The following GLCCI1 variants were observed in gnomAD, a reference collection of about 807,000 sequenced individuals.
GLCCI1 encodes the protein glucocorticoid-induced transcript 1 protein.
Under a neutral mutation model 52.2 loss-of-function variants are expected in GLCCI1, and 24 were observed. The observed-to-expected ratio is 0.46, with a 90% CI of 0.33 to 0.65. The LOEUF is 0.65. Ranked by LOEUF, GLCCI1 falls within the 30% of genes least tolerant of loss-of-function variation. GLCCI1 has a pLI of 0.02. For missense variants in GLCCI1, 704 were observed against 701.5 expected, an observed-to-expected ratio of 1.00 and a Z score of -0.04; for synonymous variants, 310 against 276.5, an observed-to-expected ratio of 1.12 and a Z score of -1.20.
intron 1 of GLCCI1, among the ~76,000 whole-genome samples, chr7:7,985,970 T>G (rs1320337367): frequency 2.0e-5 from 3 of 152,208 alleles, no homozygotes; most frequent in Non-Finnish European, 4.4e-5. Context: ...TTTTTATAGT[T>G]GGTACCTGTG....
At chr7:8,022,419 G>T in intron 2 of GLCCI1, 64 bp from the exon 3 acceptor site, 1 of 906,518 alleles carries the variant, frequency 1.1e-6, no homozygotes, top group Non-Finnish European at 1.5e-6. Context: ...ATATGTTTCA[G>T]TTGCTTGAGA....
intron 5 of GLCCI1, among the ~76,000 whole-genome samples, chr7:8,061,988 C>G (rs1782528528): frequency 6.6e-6 from 1 of 152,060 alleles, no homozygotes; most frequent in Non-Finnish European, 1.5e-5. Flanking sequence ...TTTTTTTATG[C>G]ATTAAGTGAA....
intron 3 of GLCCI1, among the ~76,000 whole-genome samples, chr7:8,041,191 C>G (rs1781991176): frequency 6.6e-6 from 1 of 152,140 alleles, no homozygotes; most frequent in Admixed American, 6.5e-5. Flanking sequence ...TTTGAGTGGA[C>G]TAGATAAAAG....
At chr7:8,037,823 A>G (rs949140433) in intron 3 of GLCCI1, among the ~76,000 whole-genome samples, 1 of 152,210 alleles carries the variant, frequency 6.6e-6, no homozygotes, top group African/African-American at 2.4e-5. Flanking sequence ...AAAGGGATCA[A>G]TTCAACAAGA....
intron 3 of GLCCI1, among the ~76,000 whole-genome samples, chr7:8,028,495 C>T: frequency 6.6e-6 from 1 of 151,846 alleles, no homozygotes; most frequent in South Asian, 2.1e-4. Flanking sequence ...CTGTAAGTGC[C>T]TACATCAAAA....
chr7:8,064,313 C>T lies in GLCCI1; in HGVS notation c.966+4065C>T, dbSNP rs1038517348. ...GAGGAAGGTATCCAGTTTCAGTCTT[C>T]TGCATATAGCTAGCGAATTATCCCA... On this transcript the variant is annotated intron_variant, in intron 5 of 7. Coordinates refer to ENST00000223145, the MANE Select transcript of GLCCI1 (RefSeq NM_138426.4). Among the ~76,000 whole-genome samples the T allele has an allele frequency of 5.9e-5, 9 of 152,162 alleles. No homozygotes were observed. The South Asian group carries it at 6.2e-4, about 11-fold the overall frequency.
At chr7:8,012,479 C>G (rs995180207) in intron 2 of GLCCI1, among the ~76,000 whole-genome samples, 1 of 110,338 alleles carries the variant, frequency 9.1e-6, no homozygotes, top group Non-Finnish European at 1.7e-5. Context: ...GAGTCTTGCT[C>G]TGTCACCCAG....
intron 2 of GLCCI1, among the ~76,000 whole-genome samples, chr7:8,016,170 G>A (rs964071640): frequency 6.6e-6 from 1 of 152,136 alleles, no homozygotes; most frequent in Non-Finnish European, 1.5e-5. Flanking sequence ...GAGACATTAT[G>A]CCTTAACAGT....
chr7:7,980,587 A>AT, intron 1 of GLCCI1: 1 of 644,352 alleles, frequency 1.6e-6, no homozygotes, highest in Non-Finnish European at 2.8e-6. Flanking sequence ...AGGAGAGTCT[A>AT]TTTTTGGCCT....
rs1484180358 is a variant in GLCCI1, at chr7:8,088,849, C to A, written c.*2311C>A. 1 of 152,596 alleles carries A rather than the reference C, an allele frequency of 6.6e-6. No homozygotes were observed. The highest frequency in any genetic ancestry group is 1.5e-5 in the Non-Finnish European group (1 of 68,034). The allele number at this position is 152,596 out of a possible 1,614,324, so 9.5% of individuals were successfully genotyped here. On this transcript the variant is annotated 3_prime_UTR_variant, in exon 8 of 8. Coordinates refer to ENST00000223145, the MANE Select transcript of GLCCI1 (RefSeq NM_138426.4). ...AGCTTACGCTTTGCCATGTAAATTT[C>A]CCAGAAGTTGTTGAGCTCAAATGTA...
Position 8,044,090 on chromosome 7 carries a change from G to A in GLCCI1, c.697-11343G>A, listed in dbSNP as rs1159757973. Among the ~76,000 whole-genome samples the A allele has an allele frequency of 9.2e-5, 14 of 151,776 alleles. 1 individual carries two copies. The highest frequency in any genetic ancestry group is 9.2e-4 in the Admixed American group (14 of 15,230). Reference sequence around the variant, plus strand: ...CTCCCGAGTAGCTGGGACTACAGGCGCCTGCCACCATGCCTGGCTAATTTT... The same window carrying A: ...CTCCCGAGTAGCTGGGACTACAGGCACCTGCCACCATGCCTGGCTAATTTT... On this transcript the variant is annotated intron_variant, in intron 3 of 7. Coordinates refer to ENST00000223145, the MANE Select transcript of GLCCI1 (RefSeq NM_138426.4).
At chr7:8,055,621 C>A in intron 4 of GLCCI1, 72 bp downstream of exon 4, 1 of 893,804 alleles carries the variant, frequency 1.1e-6, no homozygotes, top group African/African-American at 1.7e-5. Flanking sequence ...ATCATTTCAG[C>A]ATTTAAAAAA....
intron 2 of GLCCI1, among the ~76,000 whole-genome samples, chr7:8,021,275 A>G (rs1781478903): frequency 6.6e-6 from 1 of 152,190 alleles, no homozygotes; most frequent in South Asian, 2.1e-4. Context: ...CTTTTTCAGC[A>G]TGTATTGAAA....
chr7:7,972,631 C>T (rs867986445), intron 1 of GLCCI1, among the ~76,000 whole-genome samples: 1 of 152,032 alleles, frequency 6.6e-6, no homozygotes, highest in Non-Finnish European at 1.5e-5. Context: ...TCATTATCTG[C>T]GTCTTAAGCA....
chr7:8,015,950 C>G (rs182295472), intron 2 of GLCCI1, among the ~76,000 whole-genome samples: 1 of 152,160 alleles, frequency 6.6e-6, no homozygotes, highest in Non-Finnish European at 1.5e-5. Flanking sequence ...CTTTCTCATG[C>G]CTTTGCCCCT....
chr7:7,992,518 C>T (rs1447969861), intron 1 of GLCCI1, among the ~76,000 whole-genome samples: 3 of 152,032 alleles, frequency 2.0e-5, no homozygotes, highest in Non-Finnish European at 2.9e-5. Flanking sequence ...AGCCTTTATA[C>T]TTGAAGGTCA....
intron 3 of GLCCI1, among the ~76,000 whole-genome samples, chr7:8,051,505 C>T (rs763758177): frequency 6.6e-6 from 1 of 152,214 alleles, no homozygotes; most frequent in Non-Finnish European, 1.5e-5. Flanking sequence ...TTCTGCTCTT[C>T]AGCTGTTACC....
At chr7:8,055,826 G>GA (rs931025700) in intron 4 of GLCCI1, 3 of 191,248 alleles carry the variant, frequency 1.6e-5, no homozygotes, top group African/African-American at 2.4e-5. Flanking sequence ...TGTCTCTACT[G>GA]AAAAAACACA....
intron 6 of GLCCI1, among the ~76,000 whole-genome samples, chr7:8,081,169 A>G (rs1782986364): frequency 6.6e-6 from 1 of 152,112 alleles, no homozygotes; most frequent in Admixed American, 6.5e-5. Context: ...GCTGTGCTTC[A>G]GGTGCACGTG....
Sources: gnomAD v4.1 joint callset for allele counts (sites outside exome capture counted in the v4.1 genomes callset) on GRCh38, gnomAD v4.1.1 for gene constraint, MANE v1.5 for transcripts, NCBI Gene and HGNC (gene_info 2026-07-23, HGNC 2026-07-21) for gene names.